Variants in SRBD1 observed in about 807,000 individuals in gnomAD.
SRBD1 encodes S1 RNA binding domain 1.
A neutral mutation model predicts 115.3 loss-of-function variants in SRBD1; 88 were observed. The ratio of observed to expected loss-of-function variants is 0.76; its 90% CI spans 0.64 to 0.91. The LOEUF (loss-of-function observed/expected upper bound fraction) is 0.91. Among genes scored for constraint, SRBD1 ranks in the 40% least tolerant of loss-of-function variants. The pLI, the probability that SRBD1 is intolerant of heterozygous loss-of-function variation, is 0.00. For synonymous variants in SRBD1, 509 were observed against 407.7 expected (o/e 1.25, Z -2.99); for missense variants, 1,385 against 1,177.4 (o/e 1.18, Z -2.58).
At chr2:45,551,312 T>C in intron 11 of SRBD1, 30 bp from the exon 12 acceptor site, 1 of 1,573,434 alleles carries the variant, frequency 6.4e-7, no homozygotes, top group Non-Finnish European at 8.6e-7. Context: ...GAAAAAGTTT[T>C]TCATTCACCC....
At chr2:45,420,831 TA>T (rs1667973942) in intron 16 of SRBD1, among the ~76,000 whole-genome samples, 1 of 152,244 alleles carries the variant, frequency 6.6e-6, no homozygotes. Flanking sequence ...GCTTTGATGA[TA>T]GTAGCACTAT....
At position 45,526,465 on chromosome 2, in the gene SRBD1, G is replaced by A. The variant is rs902440516; in HGVS notation, c.1874+20267C>T. Among the ~76,000 whole-genome samples, 10 of 152,040 alleles carry A rather than the reference G, an allele frequency of 6.6e-5. No individual in the cohort carries two copies. In the South Asian group the frequency reaches 8.3e-4, roughly 13 times the overall value. ...GCTGGAGTAGGGAAGGTGAGAATGC[G>A]GTGATGGGAGAGAAGGGAGTGAGAG... On this transcript the variant is annotated intron_variant, in intron 14 of 20. Transcript: ENST00000263736.
At chr2:45,567,522 T>G (rs1241623284) in intron 9 of SRBD1, among the ~76,000 whole-genome samples, 1 of 151,814 alleles carries the variant, frequency 6.6e-6, no homozygotes, top group African/African-American at 2.4e-5. Context: ...AGTGGGAGAA[T>G]GCCTTCAGCC....
chr2:45,463,599 A>AT (rs1669391580), intron 16 of SRBD1, among the ~76,000 whole-genome samples: 1 of 152,060 alleles, frequency 6.6e-6, no homozygotes, highest in African/African-American at 2.4e-5. Flanking sequence ...GGTTCTCAAC[A>AT]TTTTTTCTAA....
intron 4 of SRBD1, among the ~76,000 whole-genome samples, chr2:45,592,257 C>T (rs1051377157): frequency 1.3e-5 from 2 of 152,090 alleles, no homozygotes; most frequent in African/African-American, 4.8e-5. Flanking sequence ...AGCATGAAAA[C>T]AGACTAATAC....
chr2:45,465,511 G>A (rs1669460888), intron 16 of SRBD1, among the ~76,000 whole-genome samples: 1 of 151,980 alleles, frequency 6.6e-6, no homozygotes, highest in African/African-American at 2.4e-5. Flanking sequence ...GTCCCTGTCT[G>A]GACAAAAAAC....
intron 4 of SRBD1, 85 bp downstream of exon 4, chr2:45,599,364 C>G: frequency 1.3e-6 from 2 of 1,495,384 alleles, no homozygotes; most frequent in Non-Finnish European, 1.8e-6. Flanking sequence ...AACCCCCAGC[C>G]CTTCCCTTAG....
At chr2:45,551,756 G>A (rs1203663314) in intron 11 of SRBD1, among the ~76,000 whole-genome samples, 1 of 152,026 alleles carries the variant, frequency 6.6e-6, no homozygotes, top group Admixed American at 6.6e-5. Context: ...CAGAAGTAGA[G>A]GCAAGAAAAA....
intron 11 of SRBD1, among the ~76,000 whole-genome samples, chr2:45,552,920 G>C (rs1672348352): frequency 6.6e-6 from 1 of 152,190 alleles, no homozygotes; most frequent in African/African-American, 2.4e-5. Flanking sequence ...AGGTTGAAGA[G>C]ATGGCTACAA....
Position 45,599,580 on chromosome 2 carries a change from C to A in SRBD1, c.517G>T (p.Asp173Tyr), listed in dbSNP as rs1488196601. Residue 173 changes from aspartate to tyrosine, a missense_variant, in exon 4 of 21, where the codon GAC (aspartate) becomes TAC (tyrosine). Coordinates refer to ENST00000263736, the MANE Select transcript of SRBD1 (RefSeq NM_018079.5). Reference protein sequence around the residue: ...GTCKKEENDDDFTFGQSALKK... With the variant: ...GTCKKEENDDYFTFGQSALKK... The stretch of plus-strand genomic sequence containing the variant: ...AAAGCGGACTGACCAAATGTAAAGT[C>A]ATCGTCATTCTCTTCCTTCTTGCAT... 4 of 1,614,190 alleles carry A rather than the reference C, an allele frequency of 2.5e-6. No individual in the cohort carries two copies. Among genetic ancestry groups the A allele is most frequent in the African/African-American group, 1.3e-5 (1 of 75,042 alleles).
chr2:45,484,608 A>C (rs1296410781), intron 15 of SRBD1, among the ~76,000 whole-genome samples: 2 of 152,204 alleles, frequency 1.3e-5, no homozygotes, highest in African/African-American at 4.8e-5. Flanking sequence ...CATAACATAT[A>C]ATTAACTATT....
At chr2:45,460,101 C>T (rs1368144018) in intron 16 of SRBD1, among the ~76,000 whole-genome samples, 2 of 152,074 alleles carry the variant, frequency 1.3e-5, no homozygotes, top group African/African-American at 4.8e-5. Context: ...AATTTATCCA[C>T]AAGAAAACAC....
intron 19 of SRBD1, among the ~76,000 whole-genome samples, chr2:45,410,357 T>C (rs971796402): frequency 1.3e-5 from 2 of 152,100 alleles, no homozygotes; most frequent in Non-Finnish European, 2.9e-5. Context: ...CCTCATGACT[T>C]ATCAATTCCT....
rs1669081195 is a variant in SRBD1, at chr2:45,454,110, C to CTAA, written c.2049+22880_2049+22882dup. ...TCTAGCAGGATCTATTAGCCAAAGACTAATGTACAGCCCTAACAGAAGCAT... is the reference window on the plus strand; with the variant it reads ...TCTAGCAGGATCTATTAGCCAAAGACTAATAATGTACAGCCCTAACAGAAGCAT... On this transcript the variant is annotated intron_variant, in intron 16 of 20. Coordinates refer to ENST00000263736, the MANE Select transcript of SRBD1 (RefSeq NM_018079.5). Among the ~76,000 whole-genome samples, 4 of 151,934 alleles carry CTAA rather than the reference C, an allele frequency of 2.6e-5. No homozygotes were observed. The South Asian group carries it at 8.3e-4, about 31-fold the overall frequency.
At chr2:45,528,411 T>C (rs2103975134) in intron 14 of SRBD1, among the ~76,000 whole-genome samples, 1 of 151,872 alleles carries the variant, frequency 6.6e-6, no homozygotes, top group African/African-American at 2.4e-5. Flanking sequence ...TTGAATGGGG[T>C]ATATGACAGA....
intron 16 of SRBD1, among the ~76,000 whole-genome samples, chr2:45,428,690 C>G (rs1056635652): frequency 6.6e-6 from 1 of 152,114 alleles, no homozygotes; most frequent in Admixed American, 6.5e-5. Context: ...ATTTACAGCA[C>G]TAAATGCCCA....
At chr2:45,397,020 ACTT>A (rs1372682919) in intron 19 of SRBD1, among the ~76,000 whole-genome samples, 1 of 152,180 alleles carries the variant, frequency 6.6e-6, no homozygotes. Context: ...CTTTCAAGAG[ACTT>A]TCCTACTTGT....
intron 14 of SRBD1, among the ~76,000 whole-genome samples, chr2:45,491,045 T>A (rs1247817930): frequency 6.6e-6 from 1 of 152,162 alleles, no homozygotes; most frequent in African/African-American, 2.4e-5. Context: ...GAAGTATATG[T>A]GACTAGAATT....
intron 15 of SRBD1, among the ~76,000 whole-genome samples, chr2:45,483,191 AAGT>A (rs1324461046): frequency 6.6e-6 from 1 of 152,132 alleles, no homozygotes; most frequent in Non-Finnish European, 1.5e-5. Context: ...CAAGAACATA[AAGT>A]ACACATAGGG....
Sources: allele counts gnomAD v4.1 joint callset (sites outside exome capture counted in the v4.1 genomes callset), GRCh38; gene constraint gnomAD v4.1.1; transcripts MANE v1.5; gene names NCBI Gene and HGNC (gene_info 2026-07-23, HGNC 2026-07-21).